Variants in FSHR observed in about 807,000 individuals in gnomAD.
FSHR encodes follicle-stimulating hormone receptor.
Under a neutral mutation model 52.1 loss-of-function variants are expected in FSHR, and 46 were observed. The observed-to-expected ratio is 0.88, with a 90% confidence interval of 0.70 to 1.13. The LOEUF (loss-of-function observed/expected upper bound fraction) is 1.13. Ranked by LOEUF, FSHR falls within the 50% of genes most tolerant of loss-of-function variation. FSHR has a pLI of 0.00. For synonymous variants in FSHR, 399 were observed against 309.6 expected, an observed-to-expected ratio of 1.29 and a Z score of -3.03; for missense variants, 964 against 834.6, an observed-to-expected ratio of 1.16 and a Z score of -1.91.
In FSHR at chr2:48,963,188, T is replaced by C. The variant is rs1362392722; in HGVS notation, c.1633A>G (p.Ile545Val). The change falls in exon 10 of 10, where the codon ATC (isoleucine) becomes GTC (valine). Residue 545 changes from isoleucine to valine, a missense_variant. Ile to Val is a conservative substitution (Grantham distance 29, BLOSUM62 3). Transcript: ENST00000406846. ...TAGATGTGGATATAGCAGCCACAGA[T>C]GACCACAAAGGCCAGGACATTGAGC... The part of the protein sequence containing the change: ...LVLNVLAFVV[I>V]CGCYIHIYLT... The C allele has an allele frequency of 1.1e-5, 18 of 1,614,126 alleles. No individual in the cohort carries two copies. The highest frequency in any genetic ancestry group is 1.5e-5 in the Non-Finnish European group (18 of 1,180,018).
intron 1 of FSHR, among the ~76,000 whole-genome samples, chr2:49,094,551 T>A (rs1222407422): frequency 6.6e-6 from 1 of 152,282 alleles, no homozygotes; most frequent in Non-Finnish European, 1.5e-5. Flanking sequence ...ATTTTTGAAG[T>A]CTATTTTCAC....
chr2:49,127,652 T>A (rs1417227226), intron 1 of FSHR, among the ~76,000 whole-genome samples: 3 of 152,094 alleles, frequency 2.0e-5, no homozygotes, highest in African/African-American at 7.2e-5. Context: ...CACACTCTCA[T>A]CTTGCCAATC....
At position 49,021,880 on chromosome 2, in the gene FSHR, TATATATAGAGAGAG is replaced by T. The variant is rs1252872810; in HGVS notation, c.225-1734_225-1721del. 9.0e-4 allele frequency among the ~76,000 whole-genome samples: 46 copies of T among 51,298 alleles called. 1 individual carries two copies. The highest frequency in any genetic ancestry group is 3.0e-3 in the African/African-American group (43 of 14,208). The allele number at this position is 51,298 out of a possible 152,430, so 33.7% of individuals were successfully genotyped here. A position where few individuals can be genotyped will look rare whatever the true frequency, so the allele number is the denominator to read the frequency against. On this transcript the variant is annotated intron_variant, in intron 2 of 9. Coordinates refer to ENST00000406846, the MANE Select transcript of FSHR (RefSeq NM_000145.4). Reference sequence around the variant, plus strand: ...CTCTCTCTCTATATATATATATATATATATATAGAGAGAGAGAGAGAGAGAGAGAGAGAGAGAGA... The same window carrying T: ...CTCTCTCTCTATATATATATATATATAGAGAGAGAGAGAGAGAGAGAGAGA...
intron 7 of FSHR, 22 bp downstream of exon 7, chr2:48,983,075 GA>G (rs778691800): frequency 1.2e-6 from 2 of 1,612,748 alleles, no homozygotes; most frequent in Non-Finnish European, 1.7e-6. Flanking sequence ...AAATGGCCTT[GA>G]AGAATAGTCA....
chr2:49,094,958 A>G (rs1670765845), intron 1 of FSHR, among the ~76,000 whole-genome samples: 2 of 152,112 alleles, frequency 1.3e-5, no homozygotes, highest in South Asian at 4.1e-4. Context: ...GGAATAAAAG[A>G]TGGGATATTA....
intron 1 of FSHR, among the ~76,000 whole-genome samples, chr2:49,094,840 A>G (rs1171225495): frequency 1.3e-5 from 2 of 152,114 alleles, no homozygotes; most frequent in Admixed American, 1.3e-4. Flanking sequence ...TAAAAAATCA[A>G]TAAAACCAAA....
intron 8 of FSHR, among the ~76,000 whole-genome samples, chr2:48,977,410 C>G (rs1315648992): frequency 1.3e-5 from 2 of 152,106 alleles, no homozygotes; most frequent in South Asian, 2.1e-4. Context: ...TCTTGAGAAC[C>G]TTGATACCAG....
intron 1 of FSHR, among the ~76,000 whole-genome samples, chr2:49,086,446 C>T (rs1308402640): frequency 2.0e-5 from 3 of 152,124 alleles, no homozygotes; most frequent in Non-Finnish European, 4.4e-5. Context: ...CTGATTTGTT[C>T]TTCTGTCTTG....
chr2:49,002,597 T>G (rs1281030845), intron 4 of FSHR, among the ~76,000 whole-genome samples: 2 of 152,040 alleles, frequency 1.3e-5, no homozygotes, highest in Non-Finnish European at 2.9e-5. Flanking sequence ...CCCGTTATAA[T>G]ACCATCAGAT....
At chr2:49,001,860 A>G (rs1486135059) in intron 4 of FSHR, among the ~76,000 whole-genome samples, 1 of 152,120 alleles carries the variant, frequency 6.6e-6, no homozygotes, top group Non-Finnish European at 1.5e-5. Context: ...GTTCTTAATT[A>G]TATCAACTAT....
intron 1 of FSHR, among the ~76,000 whole-genome samples, chr2:49,142,685 A>C (rs950332069): frequency 6.6e-6 from 1 of 152,194 alleles, no homozygotes; most frequent in African/African-American, 2.4e-5. Flanking sequence ...TAGACTGTTA[A>C]TTCAAGTGAA....
In FSHR at chr2:49,023,227, C is replaced by T. The variant is rs77793542; in HGVS notation, c.225-3067G>A. Reference sequence around the variant, plus strand: ...TCACAAGATCTTTTTCATTTCTCAGCTGAAGCAATCACAACCATGTTTTGT... The same window carrying T: ...TCACAAGATCTTTTTCATTTCTCAGTTGAAGCAATCACAACCATGTTTTGT... On this transcript the variant is annotated intron_variant, in intron 2 of 9. Transcript: ENST00000406846. Among the ~76,000 whole-genome samples the T allele has an allele frequency of 4.7e-3, 723 of 152,304 alleles. 3 individuals carry two copies. Among genetic ancestry groups the T allele is most frequent in the African/African-American group, 0.016 (659 of 41,564 alleles).
At chr2:48,976,461 C>T (rs527694896) in intron 8 of FSHR, among the ~76,000 whole-genome samples, 14 of 152,200 alleles carry the variant, frequency 9.2e-5, no homozygotes, top group African/African-American at 3.4e-4. Context: ...TTTCTTGTCT[C>T]TGCCAGGTTT....
intron 1 of FSHR, among the ~76,000 whole-genome samples, chr2:49,129,337 G>A (rs1326587826): frequency 1.3e-5 from 2 of 152,138 alleles, no homozygotes; most frequent in Non-Finnish European, 2.9e-5. Context: ...TTTCTAGTCA[G>A]TAGGGGCTGC....
At chr2:49,126,453 ACTTCC>A (rs1177044989) in intron 1 of FSHR, among the ~76,000 whole-genome samples, 1 of 152,130 alleles carries the variant, frequency 6.6e-6, no homozygotes, top group Non-Finnish European at 1.5e-5. Context: ...TGACCTAGAC[ACTTCC>A]CATTAGGCCC....
chr2:49,135,520 A>G (rs905738009), intron 1 of FSHR, among the ~76,000 whole-genome samples: 2 of 152,168 alleles, frequency 1.3e-5, no homozygotes, highest in African/African-American at 4.8e-5. Context: ...AAATATTTCA[A>G]ATTAATAACC....
At chr2:49,048,891 G>A (rs911073400) in intron 2 of FSHR, among the ~76,000 whole-genome samples, 5 of 152,134 alleles carry the variant, frequency 3.3e-5, no homozygotes, top group Admixed American at 2.6e-4. Context: ...ACAGGCAAGA[G>A]GGTCCATATT....
chr2:48,990,657 G>C lies in FSHR; in HGVS notation c.375-20C>G, dbSNP rs563446551. 3.9e-5 allele frequency: 57 copies of C among 1,475,594 alleles called. No homozygotes were observed. The highest frequency in any genetic ancestry group is 2.2e-4 in the Admixed American group (13 of 59,846). 91.4% of individuals were successfully genotyped at this position (1,475,594 alleles called of 1,614,324 possible). On this transcript the variant is annotated intron_variant, in intron 4 of 9. Coordinates refer to ENST00000406846, the MANE Select transcript of FSHR (RefSeq NM_000145.4). ...ATTAACCTAGAGAGAAACAAAATGA[G>C]AGTGAGTGAAAATGAAACTGGCTGT...
chr2:49,018,060 A>G (rs576518993), intron 3 of FSHR, among the ~76,000 whole-genome samples: 1 of 152,334 alleles, frequency 6.6e-6, no homozygotes, highest in East Asian at 1.9e-4. Flanking sequence ...AGTGAGGGGC[A>G]AAAAGGTATT....
Sources: gnomAD v4.1 joint callset for allele counts (sites outside exome capture counted in the v4.1 genomes callset) on GRCh38, gnomAD v4.1.1 for gene constraint, MANE v1.5 for transcripts, NCBI Gene and HGNC (gene_info 2026-07-23, HGNC 2026-07-21) for gene names.